Variants in DLG2 observed in about 807,000 individuals in gnomAD.
DLG2 encodes the protein disks large homolog 2.
A neutral mutation model predicts 132.5 loss-of-function variants in DLG2; 45 were observed. The observed-to-expected ratio is 0.34, with a 90% CI of 0.27 to 0.44. The LOEUF (loss-of-function observed/expected upper bound fraction) is 0.44. Among genes scored for constraint, DLG2 ranks in the 20% least tolerant of loss-of-function variants. DLG2 has a pLI of 1.00. For missense variants in DLG2, 1,045 were observed against 1,196.9 expected (o/e 0.87, Z 1.87); for synonymous variants, 424 against 419.6 (o/e 1.01, Z -0.13).
intron 6 of DLG2, among the ~76,000 whole-genome samples, chr11:84,980,149 G>T (rs532268791): frequency 2.6e-5 from 4 of 152,118 alleles, no homozygotes; most frequent in Admixed American, 6.6e-5. Flanking sequence ...GTAGTCAGTT[G>T]TAATACTTAA....
intron 7 of DLG2, among the ~76,000 whole-genome samples, chr11:84,410,574 CT>C (rs367980167): frequency 0.021 from 2,319 of 109,098 alleles, 19 homozygotes; most frequent in African/African-American, 0.057. Flanking sequence ...ACCACATAAA[CT>C]TTTTTTTTTT....
At chr11:85,604,786 G>A (rs2153237054) in intron 2 of DLG2, among the ~76,000 whole-genome samples, 1 of 152,290 alleles carries the variant, frequency 6.6e-6, no homozygotes, top group South Asian at 2.1e-4. Context: ...AGGTAATCAT[G>A]TGTCTGTTAA....
intron 6 of DLG2, among the ~76,000 whole-genome samples, chr11:84,904,090 G>C (rs574170523): frequency 6.6e-6 from 1 of 152,184 alleles, no homozygotes. Context: ...CATAACAAAA[G>C]TACTCAGTTT....
Position 84,017,209 on chromosome 11 carries a change from G to A in DLG2, c.920-36567C>T, listed in dbSNP as rs140714798. ...TTTAAAAAGGGGTATTTTTAAAATT[G>A]TGTAAATAAGCATAGCCTTTTCAAA... On this transcript the variant is annotated intron_variant, in intron 11 of 27. Transcript: ENST00000376104. Among the ~76,000 whole-genome samples, 324 of 152,208 alleles carry A rather than the reference G, an allele frequency of 2.1e-3. 1 individual carries two copies. The highest frequency in any genetic ancestry group is 3.5e-3 in the Non-Finnish European group (240 of 67,954).
intron 18 of DLG2, among the ~76,000 whole-genome samples, chr11:83,747,275 T>TCTTCCTTCCTTCCTTCCTTCCTTCCTTC (rs61484895): frequency 2.5e-5 from 3 of 121,582 alleles, no homozygotes; most frequent in African/African-American, 6.8e-5. Context: ...TGCTTTAAAA[T>TCTTCCTTCCTTCCTTCCTTCCTTCCTTC]CTTCCTTCCT....
chr11:83,898,762 T>C (rs1313957575), intron 15 of DLG2, among the ~76,000 whole-genome samples: 1 of 152,228 alleles, frequency 6.6e-6, no homozygotes, highest in Non-Finnish European at 1.5e-5. Flanking sequence ...ATAAATCTTG[T>C]CTTTCTCAGA....
intron 6 of DLG2, among the ~76,000 whole-genome samples, chr11:84,669,313 G>A (rs2099703239): frequency 6.6e-6 from 1 of 152,074 alleles, no homozygotes; most frequent in South Asian, 2.1e-4. Flanking sequence ...GACAAGGATG[G>A]AAGTGTCCAG....
chr11:85,333,646 C>T (rs2081930545), intron 3 of DLG2, among the ~76,000 whole-genome samples: 1 of 151,898 alleles, frequency 6.6e-6, no homozygotes, highest in East Asian at 1.9e-4. Flanking sequence ...GGGAGATTTT[C>T]AATTTTATCG....
At chr11:83,884,587 G>C (rs550772023) in intron 15 of DLG2, among the ~76,000 whole-genome samples, 15 of 152,194 alleles carry the variant, frequency 9.9e-5, no homozygotes, top group Non-Finnish European at 2.1e-4. Flanking sequence ...GCTTTGAAGA[G>C]AGCAGTGGTT....
At chr11:84,299,730 T>C (rs1288562082) in intron 7 of DLG2, among the ~76,000 whole-genome samples, 1 of 152,212 alleles carries the variant, frequency 6.6e-6, no homozygotes, top group African/African-American at 2.4e-5. Context: ...TTATGTTGGG[T>C]TGTTTTGTAA....
At position 85,134,322 on chromosome 11, in the gene DLG2, G is replaced by A. The variant is rs560573329; in HGVS notation, c.282+20234C>T. Among the ~76,000 whole-genome samples, 21 of 149,574 alleles carry A rather than the reference G, an allele frequency of 1.4e-4. No individual in the cohort carries two copies. In the South Asian group the frequency reaches 4.4e-3, roughly 32 times the overall value. The stretch of plus-strand genomic sequence containing the variant: ...AGGCGGGCGGATCACGAGGTCAGGA[G>A]ATCGAGACCATCCCGGCTAAAACGG... On this transcript the variant is annotated intron_variant, in intron 5 of 27. Coordinates refer to ENST00000376104, the MANE Select transcript of DLG2 (RefSeq NM_001142699.3).
chr11:85,451,082 A>C (rs2092224030), intron 3 of DLG2, among the ~76,000 whole-genome samples: 1 of 152,096 alleles, frequency 6.6e-6, no homozygotes, highest in African/African-American at 2.4e-5. Context: ...CTAACTACCT[A>C]CATGTCTGCC....
intron 3 of DLG2, among the ~76,000 whole-genome samples, chr11:85,387,546 C>A (rs2086446938): frequency 6.6e-6 from 1 of 152,174 alleles, no homozygotes; most frequent in South Asian, 2.1e-4. Context: ...TGTCAGCTGA[C>A]AAATGACCAG....
At chr11:84,756,532 T>C (rs965762873) in intron 6 of DLG2, among the ~76,000 whole-genome samples, 1 of 152,182 alleles carries the variant, frequency 6.6e-6, no homozygotes, top group Non-Finnish European at 1.5e-5. Context: ...ATTGGGTAAA[T>C]TGCTTAAAAT....
chr11:84,981,330 T>C (rs2055706677), intron 6 of DLG2, among the ~76,000 whole-genome samples: 1 of 152,172 alleles, frequency 6.6e-6, no homozygotes, highest in African/African-American at 2.4e-5. Context: ...CTGGCACTCA[T>C]TTCCTTGAGG....
intron 6 of DLG2, among the ~76,000 whole-genome samples, chr11:84,991,173 C>T (rs897351346): frequency 3.3e-5 from 5 of 151,948 alleles, no homozygotes; most frequent in South Asian, 4.2e-4. Context: ...AATGGGGATT[C>T]GATCGGTGGT....
intron 14 of DLG2, among the ~76,000 whole-genome samples, chr11:83,935,251 A>T (rs1028439507): frequency 2.6e-5 from 4 of 152,206 alleles, no homozygotes; most frequent in Non-Finnish European, 5.9e-5. Flanking sequence ...AGGGTGCCTC[A>T]TGCTCCTCTT....
chr11:85,312,582 C>T (rs372127563), intron 3 of DLG2, among the ~76,000 whole-genome samples: 1 of 151,770 alleles, frequency 6.6e-6, no homozygotes, highest in African/African-American at 2.4e-5. Flanking sequence ...TCCTAAGTCC[C>T]CAGATCCTAA....
In DLG2 at chr11:84,916,067, C is replaced by T. The variant is rs12807740; in HGVS notation, c.357+195594G>A. Among the ~76,000 whole-genome samples, 6 of 151,916 alleles carry T rather than the reference C, an allele frequency of 3.9e-5. 1 individual carries two copies. The highest frequency in any genetic ancestry group is 2.6e-4 in the Admixed American group (4 of 15,252). ...ATGTTCAGAGGATTAAGAAGCAGGCCGGGCGCGGTGGCTCACGCCTGTAAT... is the reference window on the plus strand; with the variant it reads ...ATGTTCAGAGGATTAAGAAGCAGGCTGGGCGCGGTGGCTCACGCCTGTAAT... On this transcript the variant is annotated intron_variant, in intron 6 of 27. Transcript: ENST00000376104.
Sources: allele counts gnomAD v4.1 joint callset (sites outside exome capture counted in the v4.1 genomes callset), GRCh38; gene constraint gnomAD v4.1.1; transcripts MANE v1.5; gene names NCBI Gene and HGNC (gene_info 2026-07-23, HGNC 2026-07-21).